Variants in CTNND1 observed in about 807,000 individuals in gnomAD.
CTNND1 encodes the protein catenin delta 1.
In CTNND1, 16 loss-of-function variants were observed where a neutral mutation model predicts 112.1. The observed-to-expected ratio is 0.14, with a 90% confidence interval of 0.10 to 0.22. The LOEUF is 0.22. Ranked by LOEUF, CTNND1 falls within the 10% of genes least tolerant of loss-of-function variation. The probability of loss-of-function intolerance (pLI) is 1.00; values close to 1 mark genes in which losing one functional copy is unlikely to be tolerated. For synonymous variants in CTNND1, 420 were observed against 446.5 expected, an observed-to-expected ratio of 0.94 and a Z score of 0.75; for missense variants, 1,008 against 1,257.0, an observed-to-expected ratio of 0.80 and a Z score of 3.00.
intron 2 of CTNND1, among the ~76,000 whole-genome samples, 181 bp downstream of exon 2, chr11:57,789,336 A>G (rs1466454296): frequency 6.6e-6 from 1 of 152,212 alleles, no homozygotes; most frequent in African/African-American, 2.4e-5. Context: ...TCAACATTGT[A>G]TATTTTGGAC....
In CTNND1 at chr11:57,816,701, T is replaced by C. The variant is rs966033923; in HGVS notation, c.*393T>C. On this transcript the variant is annotated 3_prime_UTR_variant, in exon 21 of 21. Coordinates refer to ENST00000399050, the MANE Select transcript of CTNND1 (RefSeq NM_001085458.2). ...AGAATTGGAAGTTACATGCTGTATATGCAATGTCCAGCAGTCTGATAAACT... is the reference window on the plus strand; with the variant it reads ...AGAATTGGAAGTTACATGCTGTATACGCAATGTCCAGCAGTCTGATAAACT... 4.3e-5 allele frequency: 11 copies of C among 255,218 alleles called. No individual in the cohort carries two copies. Among genetic ancestry groups the C allele is most frequent in the African/African-American group, 2.0e-4 (9 of 44,436 alleles). The allele number at this position is 255,218 out of a possible 1,614,324, so 15.8% of individuals were successfully genotyped here.
chr11:57,783,997 G>A (rs1474194743), intron 1 of CTNND1, among the ~76,000 whole-genome samples: 1 of 151,944 alleles, frequency 6.6e-6, no homozygotes, highest in African/African-American at 2.4e-5. Context: ...GTGGCTCACT[G>A]TGGTCTGGAC....
intron 13 of CTNND1, 24 bp downstream of exon 13, chr11:57,808,316 G>A: frequency 6.2e-7 from 1 of 1,601,602 alleles, no homozygotes; most frequent in Non-Finnish European, 8.5e-7. Flanking sequence ...AAGGGATTTG[G>A]AGATGGGAAA....
Position 57,809,476 on chromosome 11 carries a change from C to T in CTNND1, c.2435+10C>T. The T allele has an allele frequency of 2.5e-6, 4 of 1,599,470 alleles. No homozygotes were observed. Among genetic ancestry groups the T allele is most frequent in the Non-Finnish European group, 3.4e-6 (4 of 1,171,826 alleles). The stretch of plus-strand genomic sequence containing the variant: ...TGATCAACAAATCAGGGTGAGCTTA[C>T]CACCTAAAATTACAGTCAAAAGAAT... On this transcript the variant is annotated intron_variant, in intron 15 of 20. Transcript: ENST00000399050.
intron 1 of CTNND1, among the ~76,000 whole-genome samples, chr11:57,763,481 C>T (rs920033138): frequency 6.6e-6 from 1 of 152,086 alleles, no homozygotes. Context: ...TCTTGAAAGA[C>T]GATTTCATCC....
Position 57,801,593 on chromosome 11 carries a change from A to G in CTNND1, c.957-140A>G, listed in dbSNP as rs2062025899. ...CCCATTGAGGAAAATTGATCAGTAT[A>G]TTATTCATGCAAAGGAGAGATAAGA... On this transcript the variant is annotated intron_variant, in intron 6 of 20. Coordinates refer to ENST00000399050, the MANE Select transcript of CTNND1 (RefSeq NM_001085458.2). 9.0e-6 allele frequency: 6 copies of G among 666,514 alleles called. No individual in the cohort carries two copies. The East Asian group carries it at 1.6e-4, about 18-fold the overall frequency. The allele number at this position is 666,514 out of a possible 1,614,324, so 41.3% of individuals were successfully genotyped here.
intron 8 of CTNND1, 60 bp downstream of exon 8, chr11:57,803,864 TA>T (rs879898072): frequency 0.1 from 87,850 of 852,528 alleles, 56 homozygotes; most frequent in South Asian, 0.12. Flanking sequence ...TTAAATTTCC[TA>T]AAAAAAAAAA....
Position 57,789,058 on chromosome 11 carries a change from C to T in CTNND1, c.-192C>T. ...GCAGCTCTCTCCTTCCTGCTTCCTC[C>T]TTGCTGTGGTGGCTGGGATGCTTCT... On this transcript the variant is annotated 5_prime_UTR_variant, in exon 2 of 21. Coordinates refer to ENST00000399050, the MANE Select transcript of CTNND1 (RefSeq NM_001085458.2). 6.5e-7 allele frequency: 1 copy of T among 1,535,676 alleles called. No homozygotes were observed. Among genetic ancestry groups the T allele is most frequent in the Non-Finnish European group, 8.7e-7 (1 of 1,146,860 alleles).
Position 57,805,974 on chromosome 11 carries a change from C to T in CTNND1, c.1815C>T (p.Pro605=), listed in dbSNP as rs763309532. 3.7e-6 allele frequency: 6 copies of T among 1,612,782 alleles called. No homozygotes were observed. In the South Asian group the frequency reaches 4.4e-5, roughly 12 times the overall value. ...PQAERYQEAA[P]NVANNTGPHA... is the part of the protein sequence containing the mutation. Reference sequence around the variant, plus strand: ...CAGAGCGTTACCAAGAGGCAGCTCCCAATGTTGCCAACAATACTGGGCCAC... The same window carrying T: ...CAGAGCGTTACCAAGAGGCAGCTCCTAATGTTGCCAACAATACTGGGCCAC... Residue 605 remains proline, a synonymous_variant, in exon 10 of 21, where the codon CCC becomes CCT. Transcript: ENST00000399050.
At chr11:57,771,914 T>C (rs1952724716) in intron 1 of CTNND1, among the ~76,000 whole-genome samples, 1 of 151,930 alleles carries the variant, frequency 6.6e-6, no homozygotes, top group Non-Finnish European at 1.5e-5. Context: ...TTTTGGGAAG[T>C]GGGATCAAAA....
intron 1 of CTNND1, among the ~76,000 whole-genome samples, chr11:57,776,395 C>A (rs767356895): frequency 1.1e-4 from 16 of 152,130 alleles, no homozygotes; most frequent in Non-Finnish European, 1.8e-4. Flanking sequence ...GGTTTGAATT[C>A]TCAGGCACTC....
chr11:57,804,858 A>G, intron 9 of CTNND1, 78 bp downstream of exon 9: 2 of 1,015,650 alleles, frequency 2.0e-6, no homozygotes, highest in East Asian at 2.5e-5. Context: ...TCAGAGACCT[A>G]TCATCTCAGG....
In CTNND1 at chr11:57,781,387, T is replaced by C. The variant is rs193166216; in HGVS notation, c.-213-7650T>C. Among the ~76,000 whole-genome samples the C allele has an allele frequency of 4.9e-3, 746 of 152,298 alleles. 6 individuals are homozygous for C. The highest frequency in any genetic ancestry group is 0.037 in the Middle Eastern group (11 of 294). On this transcript the variant is annotated intron_variant, in intron 1 of 20. Transcript: ENST00000399050. ...GTGTCTTAGTTAATTTTAGGATTTC[T>C]CTTTTATGACATGAGACCTAATCAA...
chr11:57,768,612 C>T (rs1951745766), intron 1 of CTNND1, among the ~76,000 whole-genome samples: 1 of 151,842 alleles, frequency 6.6e-6, no homozygotes, highest in South Asian at 2.1e-4. Flanking sequence ...CCAGGATGAT[C>T]TTGATCTCCT....
intron 1 of CTNND1, among the ~76,000 whole-genome samples, chr11:57,780,149 G>C (rs2059424248): frequency 6.7e-6 from 1 of 148,884 alleles, no homozygotes; most frequent in Non-Finnish European, 1.5e-5. Context: ...GAACCACCAG[G>C]CTCAAGTGAT....
At chr11:57,778,861 G>T (rs1200451053) in intron 1 of CTNND1, among the ~76,000 whole-genome samples, 1 of 152,214 alleles carries the variant, frequency 6.6e-6, no homozygotes, top group African/African-American at 2.4e-5. Context: ...CTGCTACAGA[G>T]CTCTGCTGAG....
chr11:57,797,894 G>A (rs1409459481), intron 6 of CTNND1, among the ~76,000 whole-genome samples: 1 of 147,384 alleles, frequency 6.8e-6, no homozygotes, highest in Non-Finnish European at 1.5e-5. Context: ...TCTGTGTCCT[G>A]AAGAATGAAC....
chr11:57,805,152 GCCT>G (rs2062496064), intron 9 of CTNND1, among the ~76,000 whole-genome samples: 2 of 152,254 alleles, frequency 1.3e-5, no homozygotes, highest in Admixed American at 1.3e-4. Context: ...CCCTGCCTCA[GCCT>G]CCCAAAGCAT....
At chr11:57,775,348 AACACAC>A (rs147874424) in intron 1 of CTNND1, among the ~76,000 whole-genome samples, 12 of 141,548 alleles carry the variant, frequency 8.5e-5, no homozygotes, top group Non-Finnish European at 1.7e-4. Context: ...AAAAAAAAAC[AACACAC>A]ACACACACAC....
Sources: gnomAD v4.1 joint callset for allele counts (sites outside exome capture counted in the v4.1 genomes callset) on GRCh38, gnomAD v4.1.1 for gene constraint, MANE v1.5 for transcripts, NCBI Gene and HGNC (gene_info 2026-07-23, HGNC 2026-07-21) for gene names.